The following DDX42 variants were observed in gnomAD, a reference collection of about 807,000 sequenced individuals.
DDX42 encodes ATP-dependent RNA helicase DDX42.
Under a neutral mutation model 101.5 loss-of-function variants are expected in DDX42, and 22 were observed. The ratio of observed to expected loss-of-function variants is 0.22; its 90% CI spans 0.15 to 0.31. DDX42 has a LOEUF of 0.31. Among genes scored for constraint, DDX42 ranks in the 10% least tolerant of loss-of-function variants. The pLI is 1.00. For missense variants in DDX42, 849 were observed against 1,199.9 expected (o/e 0.71, Z 4.32); for synonymous variants, 402 against 401.2 (o/e 1.00, Z -0.02).
intron 2 of DDX42, among the ~76,000 whole-genome samples, chr17:63,787,753 A>AT (rs1374415842): frequency 1.3e-5 from 2 of 152,056 alleles, no homozygotes; most frequent in African/African-American, 4.8e-5. Flanking sequence ...AGGCAGGAGA[A>AT]TCGCTTGAAC....
chr17:63,780,437 C>A (rs774213760), intron 1 of DDX42, among the ~76,000 whole-genome samples: 1 of 152,090 alleles, frequency 6.6e-6, no homozygotes, highest in Non-Finnish European at 1.5e-5. Flanking sequence ...ATAGAGTTTT[C>A]ATAAATACTG....
At chr17:63,808,481 C>CT (rs1336332651) in intron 9 of DDX42, among the ~76,000 whole-genome samples, 4 of 152,138 alleles carry the variant, frequency 2.6e-5, no homozygotes, top group East Asian at 3.9e-4. Flanking sequence ...GCCAGAACTA[C>CT]TTTTTTTAAG....
Position 63,774,242 on chromosome 17 carries a change from GT to G in DDX42, c.-150del. ...GGCGGTGGCGGCGGCGGTGGTGGTG[GT>G]GGCGGCGGCGGCGGCGAAGGGGGCG... is the stretch of plus-strand genomic sequence containing the variant. On this transcript the variant is annotated 5_prime_UTR_variant, in exon 1 of 18. Transcript: ENST00000389924. The G allele has an allele frequency of 5.0e-6, 1 of 200,222 alleles. No homozygotes were observed. Among genetic ancestry groups the G allele is most frequent in the South Asian group, 1.3e-4 (1 of 7,766 alleles). The allele number at this position is 200,222 out of a possible 1,614,324, so 12.4% of individuals were successfully genotyped here.
At chr17:63,802,119 A>T in intron 6 of DDX42, among the ~76,000 whole-genome samples, 1 of 152,232 alleles carries the variant, frequency 6.6e-6, no homozygotes, top group Non-Finnish European at 1.5e-5. Context: ...CCTTAGCATG[A>T]ATCAAGCCAG....
chr17:63,809,139 G>T (rs1189736417), intron 10 of DDX42, among the ~76,000 whole-genome samples, 191 bp downstream of exon 10: 1 of 152,140 alleles, frequency 6.6e-6, no homozygotes, highest in Non-Finnish European at 1.5e-5. Flanking sequence ...GTGACATATA[G>T]GCTAGTAGCT....
At chr17:63,787,816 G>A (rs1203366575) in intron 2 of DDX42, among the ~76,000 whole-genome samples, 1 of 152,028 alleles carries the variant, frequency 6.6e-6, no homozygotes, top group African/African-American at 2.4e-5. Context: ...ACTCCAACCT[G>A]GGCGACAGAG....
chr17:63,798,008 G>A (rs1299550129), intron 3 of DDX42, 30 bp from the exon 4 acceptor site: 1 of 1,581,026 alleles, frequency 6.3e-7, no homozygotes, highest in East Asian at 2.3e-5. Context: ...TTTAGTTGAT[G>A]TCATTCTATA....
intron 1 of DDX42, among the ~76,000 whole-genome samples, chr17:63,777,135 G>A (rs752722665): frequency 4.6e-5 from 7 of 151,910 alleles, no homozygotes; most frequent in African/African-American, 9.7e-5. Flanking sequence ...TCTCAAACTC[G>A]TGGCCTTAAG....
At position 63,798,452 on chromosome 17, in the gene DDX42, T is replaced by C. The variant is rs774111896; in HGVS notation, c.434+353T>C. On this transcript the variant is annotated intron_variant, in intron 4 of 17. Coordinates refer to ENST00000389924, the MANE Select transcript of DDX42 (RefSeq NM_203499.3). ...TTAATATAAAATAGGTTTATGCCTA[T>C]ATGGTTGATTATGAGAAGTAATGGC... 1.1e-4 allele frequency among the ~76,000 whole-genome samples: 16 copies of C among 152,338 alleles called. No individual in the cohort carries two copies. In the South Asian group the frequency reaches 2.7e-3, roughly 26 times the overall value.
Position 63,813,450 on chromosome 17 carries a change from T to C in DDX42, c.1898T>C (p.Met633Thr). The change falls in exon 15 of 18, where the codon ATG becomes ACG. Residue 633 changes from methionine (M) to threonine (T), a missense_variant. Around this residue, in one of 5 missense-constraint regions of DDX42, gnomAD observed 86 missense variants for 160.8 expected, o/e 0.53. Coordinates refer to ENST00000389924, the MANE Select transcript of DDX42 (RefSeq NM_203499.3). Reference protein sequence around the residue: ...HVSKELLDLAMQNAWFRKSRF... With the variant: ...HVSKELLDLATQNAWFRKSRF... ...TCTAAGGAACTCCTAGATCTGGCAATGCAGGTGAGGGGCTGGGCACACTTT... is the reference window on the plus strand; with the variant it reads ...TCTAAGGAACTCCTAGATCTGGCAACGCAGGTGAGGGGCTGGGCACACTTT... 1 of 1,613,788 alleles carries C rather than the reference T, an allele frequency of 6.2e-7. No homozygotes were observed. Among genetic ancestry groups the C allele is most frequent in the Non-Finnish European group, 8.5e-7 (1 of 1,179,780 alleles).
rs771277567 is a variant in DDX42, at chr17:63,818,504, G to T, written c.*106G>T. ...GGGGTCCAAAGTGTAAGGACCCCCT[G>T]CCCTTAGTGGAGAGCTGGAGCTTGG... On this transcript the variant is annotated 3_prime_UTR_variant, in exon 18 of 18. Coordinates refer to ENST00000389924, the MANE Select transcript of DDX42 (RefSeq NM_203499.3). 1.0e-6 allele frequency: 1 copy of T among 1,001,588 alleles called. No homozygotes were observed. Among genetic ancestry groups the T allele is most frequent in the Non-Finnish European group, 1.4e-6 (1 of 699,960 alleles). 62.0% of individuals were successfully genotyped at this position (1,001,588 alleles called of 1,614,324 possible).
intron 15 of DDX42, among the ~76,000 whole-genome samples, chr17:63,813,985 G>A (rs879442033): frequency 4.6e-5 from 7 of 151,934 alleles, no homozygotes; most frequent in Non-Finnish European, 1.5e-5. Flanking sequence ...GATTACAGGC[G>A]CCCACCACCA....
At chr17:63,789,554 TTTTTG>T (rs1567732976) in intron 2 of DDX42, among the ~76,000 whole-genome samples, 23 of 25,104 alleles carry the variant, frequency 9.2e-4, no homozygotes, top group African/African-American at 8.4e-3. Context: ...GACTTTTTTG[TTTTTG>T]TTTTTGTTTT....
chr17:63,785,515 A>C (rs1031389722), intron 1 of DDX42, among the ~76,000 whole-genome samples: 2 of 115,036 alleles, frequency 1.7e-5, no homozygotes, highest in Non-Finnish European at 3.4e-5. Context: ...TAATCCCAGC[A>C]CTTAGGGAGG....
chr17:63,807,583 C>T, intron 8 of DDX42, 141 bp from the exon 9 acceptor site: 1 of 646,700 alleles, frequency 1.5e-6, no homozygotes, highest in East Asian at 3.0e-5. Flanking sequence ...TTCTATTTCA[C>T]AACCAGTATG....
Position 63,807,820 on chromosome 17 carries a change from A to G in DDX42, c.943A>G (p.Ile315Val). 3.7e-6 allele frequency: 6 copies of G among 1,614,212 alleles called. No individual in the cohort carries two copies. Among genetic ancestry groups the G allele is most frequent in the East Asian group, 2.2e-5 (1 of 44,880 alleles). The change falls in exon 9 of 18, where the codon ATA becomes GTA. Residue 315 changes from isoleucine to valine, a missense_variant. By Grantham distance (29) the Ile-to-Val change is conservative (BLOSUM62 3). Transcript: ENST00000389924. The part of the protein sequence containing the change: ...AAFIWPMLIH[I>V]MDQKELEPGD... ...CTTCATTTGGCCCATGTTGATTCAT[A>G]TAATGGACCAGAAGGAGTTGGAACC...
chr17:63,777,187 G>A lies in DDX42; in HGVS notation c.-17+2811G>A, dbSNP rs149209198. On this transcript the variant is annotated intron_variant, in intron 1 of 17. Transcript: ENST00000389924. ...GCCTCCCAAAGGGCGAGGATTACAG[G>A]TGTGAGCCACCTTGCCCAGCCAGCC... 6.0e-4 allele frequency among the ~76,000 whole-genome samples: 91 copies of A among 152,352 alleles called. 1 individual carries two copies. Among genetic ancestry groups the A allele is most frequent in the African/African-American group, 1.6e-3 (68 of 41,568 alleles).
In DDX42 at chr17:63,808,805, T is replaced by C. The variant is rs1466290805; in HGVS notation, c.1024-15T>C. ...AGTGTCACAGTTTGTTAATATATTA[T>C]TCACAACTTTGTAGATCCATGCAGA... On this transcript the variant is annotated splice_polypyrimidine_tract_variant and intron_variant, in intron 9 of 17. Transcript: ENST00000389924. The C allele has an allele frequency of 6.2e-7, 1 of 1,613,186 alleles. No homozygotes were observed. Among genetic ancestry groups the C allele is most frequent in the East Asian group, 2.2e-5 (1 of 44,880 alleles).
intron 2 of DDX42, among the ~76,000 whole-genome samples, chr17:63,789,340 A>G (rs1337857594): frequency 6.6e-6 from 1 of 151,872 alleles, no homozygotes; most frequent in Non-Finnish European, 1.5e-5. Flanking sequence ...CAGCCTCCCA[A>G]AATGCTGGAA....
Sources: gnomAD v4.1 joint callset for allele counts (sites outside exome capture counted in the v4.1 genomes callset) on GRCh38, gnomAD v4.1.1 for gene constraint, gnomAD v4.1.1 regional missense constraint, MANE v1.5 for transcripts, NCBI Gene and HGNC (gene_info 2026-07-23, HGNC 2026-07-21) for gene names.